ULK2: variants seen among roughly 807,000 people sequenced by gnomAD.
ULK2 encodes unc-51 like autophagy activating kinase 2.
A neutral mutation model predicts 127.5 loss-of-function variants in ULK2; 76 were observed. The observed-to-expected ratio is 0.60, with a 90% CI of 0.50 to 0.72. ULK2 has a LOEUF of 0.72. ULK2 is among the 30% of genes least tolerant of loss of function. ULK2 has a pLI of 0.00. For missense variants in ULK2, 1,144 were observed against 1,295.9 expected (o/e 0.88, Z 1.80); for synonymous variants, 452 against 461.9 (o/e 0.98, Z 0.28).
intron 24 of ULK2, 38 bp from the exon 25 acceptor site, chr17:19,780,667 C>T (rs777423955): frequency 1.7e-5 from 26 of 1,564,088 alleles, no homozygotes; most frequent in Admixed American, 1.9e-5. Context: ...TTTTAATTTT[C>T]CTCCAGAAAT....
chr17:19,802,030 G>A, intron 15 of ULK2, 108 bp from the exon 16 acceptor site: 1 of 1,230,628 alleles, frequency 8.1e-7, no homozygotes, highest in Non-Finnish European at 1.1e-6. Context: ...TCAAAAATAT[G>A]TAATACAGTC....
In ULK2 at chr17:19,783,836, C is replaced by A; in HGVS notation, c.2321G>T (p.Gly774Val). The A allele has an allele frequency of 6.3e-7, 1 of 1,598,902 alleles. No individual in the cohort carries two copies. Residue 774 changes from glycine (G) to valine (V), a missense_variant, in exon 22 of 27, where the codon GGC becomes GTC. Around this residue, in one of 2 missense-constraint regions of ULK2, gnomAD observed 913 missense variants for 970.5 expected, o/e 0.94. Transcript: ENST00000395544. ...TGGAGGGGAAGAGCCGAAGCCTGGGCCAGGCGGGGACCCCACGCACACGCG... is the reference window on the plus strand; with the variant it reads ...TGGAGGGGAAGAGCCGAAGCCTGGGACAGGCGGGGACCCCACGCACACGCG... ...SGRVCVGSPP[G>V]PGFGSSPPGA... is the part of the protein sequence containing the mutation.
rs534370368 is a variant in ULK2 at position 19,840,188 on chromosome 17, C to T, written c.704+1301G>A. On this transcript the variant is annotated intron_variant, in intron 9 of 26. Coordinates refer to ENST00000395544, the MANE Select transcript of ULK2 (RefSeq NM_014683.4). ...CTGTGCCCCCGACCCTCAACCCAGCCGAATACAACATATCTCCGGACACCC... is the reference window on the plus strand; with the variant it reads ...CTGTGCCCCCGACCCTCAACCCAGCTGAATACAACATATCTCCGGACACCC... 322 of 488,142 alleles carry T rather than the reference C, an allele frequency of 6.6e-4. 2 individuals are homozygous for T. The highest frequency in any genetic ancestry group is 1.6e-3 in the Middle Eastern group (5 of 3,038). The allele number at this position is 488,142 out of a possible 1,614,324, so 30.2% of individuals were successfully genotyped here. A position where few individuals can be genotyped will look rare whatever the true frequency, so the allele number is the denominator to read the frequency against.
At chr17:19,799,340 A>T (rs2087343738) in intron 17 of ULK2, among the ~76,000 whole-genome samples, 155 bp downstream of exon 17, 1 of 152,128 alleles carries the variant, frequency 6.6e-6, no homozygotes, top group South Asian at 2.1e-4. Flanking sequence ...TAGCTTTATG[A>T]CATATTAAAC....
intron 18 of ULK2, 119 bp from the exon 19 acceptor site, chr17:19,796,401 G>A: frequency 1.0e-6 from 1 of 958,328 alleles, no homozygotes; most frequent in Non-Finnish European, 1.4e-6. Context: ...AGGTCGGGTG[G>A]TGGGAAAAAT....
intron 20 of ULK2, 92 bp from the exon 21 acceptor site, chr17:19,786,178 G>A: frequency 1.6e-6 from 2 of 1,258,488 alleles, no homozygotes. Flanking sequence ...TTTTATATCA[G>A]GAGTCTAGTG....
At chr17:19,833,955 C>T (rs372412659) in intron 10 of ULK2, among the ~76,000 whole-genome samples, 2 of 151,980 alleles carry the variant, frequency 1.3e-5, no homozygotes, top group African/African-American at 4.8e-5. Flanking sequence ...TTTATATATC[C>T]AAAAAGATCA....
chr17:19,829,646 AC>A (rs1224184655), intron 10 of ULK2, among the ~76,000 whole-genome samples: 1 of 149,498 alleles, frequency 6.7e-6, no homozygotes, highest in Non-Finnish European at 1.5e-5. Context: ...GACCAGCCTG[AC>A]CAACATGGTG....
chr17:19,835,914 G>A (rs899203616), intron 10 of ULK2, among the ~76,000 whole-genome samples: 1 of 151,896 alleles, frequency 6.6e-6, no homozygotes, highest in Non-Finnish European at 1.5e-5. Flanking sequence ...TTGAAGCCAG[G>A]AATTCGAGAA....
Position 19,830,585 on chromosome 17 carries a change from C to T in ULK2, c.788-4399G>A, listed in dbSNP as rs2041412596. Among the ~76,000 whole-genome samples the T allele has an allele frequency of 2.1e-5, 3 of 143,972 alleles. No homozygotes were observed. In the South Asian group the frequency reaches 6.7e-4, roughly 32 times the overall value. The allele number at this position is 143,972 out of a possible 152,430, so 94.5% of individuals were successfully genotyped here. The stretch of plus-strand genomic sequence containing the variant: ...ATAAAAGTGGAAATCAAGGGCCGGG[C>T]GCAGTGGTTCATGCCTGTCCTTTGA... On this transcript the variant is annotated intron_variant, in intron 10 of 26. Coordinates refer to ENST00000395544, the MANE Select transcript of ULK2 (RefSeq NM_014683.4).
At chr17:19,862,673 T>C (rs926826936) in intron 3 of ULK2, among the ~76,000 whole-genome samples, 3 of 151,494 alleles carry the variant, frequency 2.0e-5, no homozygotes, top group East Asian at 2.0e-4. Context: ...TCCATGTTGG[T>C]TAGGCTGGTC....
At chr17:19,802,285 C>G (rs1361188015) in intron 15 of ULK2, among the ~76,000 whole-genome samples, 1 of 152,080 alleles carries the variant, frequency 6.6e-6, no homozygotes, top group Non-Finnish European at 1.5e-5. Context: ...TCCTTTTGGT[C>G]TTAGGTCCTG....
intron 3 of ULK2, among the ~76,000 whole-genome samples, chr17:19,854,826 C>A (rs748134303): frequency 4.0e-4 from 61 of 152,032 alleles, no homozygotes; most frequent in Non-Finnish European, 6.6e-4. Flanking sequence ...ACGGCGGGGG[C>A]ATGGTGGCTT....
At chr17:19,864,773 T>G in intron 3 of ULK2, 30 bp downstream of exon 3, 1 of 1,096,270 alleles carries the variant, frequency 9.1e-7, no homozygotes, top group Non-Finnish European at 1.2e-6. Flanking sequence ...AAATTTATTT[T>G]AATTTTTAAA....
At chr17:19,808,432 T>C (rs1267876530) in intron 14 of ULK2, among the ~76,000 whole-genome samples, 1 of 152,082 alleles carries the variant, frequency 6.6e-6, no homozygotes, top group Admixed American at 6.6e-5. Context: ...TACACAAATA[T>C]GACCTCCTCA....
chr17:19,841,370 T>C, intron 9 of ULK2, 119 bp downstream of exon 9: 1 of 987,430 alleles, frequency 1.0e-6, no homozygotes, highest in Non-Finnish European at 1.5e-6. Context: ...TTGTAACAAA[T>C]GCTTTCACAT....
intron 26 of ULK2, among the ~76,000 whole-genome samples, chr17:19,777,293 C>T (rs1367954500): frequency 2.6e-5 from 4 of 152,262 alleles, no homozygotes; most frequent in South Asian, 2.1e-4. Flanking sequence ...TTAATAAAGA[C>T]GGGGTTTCGC....
intron 21 of ULK2, 145 bp downstream of exon 21, chr17:19,785,792 G>A: frequency 2.0e-6 from 2 of 1,023,378 alleles, no homozygotes; most frequent in Non-Finnish European, 2.6e-6. Context: ...TTAAGATAAA[G>A]AAAATAGTAA....
At position 19,785,992 on chromosome 17, in the gene ULK2, G is replaced by A. The variant is rs1408387449; in HGVS notation, c.2196C>T (p.His732=). The A allele has an allele frequency of 4.4e-6, 7 of 1,592,228 alleles. No homozygotes were observed. In the African/African-American group the frequency reaches 9.6e-5, roughly 22 times the overall value. ...AVLFTVGSPP[H]SAAAPTCTHM... ...GGGTACAAGTGGGGGCTGCCGCACT[G>A]TGTGGAGGAGACCCTACAGTGAAGA... is the stretch of plus-strand genomic sequence containing the variant. The change falls in exon 21 of 27, where the codon CAC becomes CAT. Residue 732 remains histidine, a synonymous_variant. Coordinates refer to ENST00000395544, the MANE Select transcript of ULK2 (RefSeq NM_014683.4).
Sources: gnomAD v4.1 joint callset for allele counts (sites outside exome capture counted in the v4.1 genomes callset) on GRCh38, gnomAD v4.1.1 for gene constraint, gnomAD v4.1.1 regional missense constraint, MANE v1.5 for transcripts, NCBI Gene and HGNC (gene_info 2026-07-23, HGNC 2026-07-21) for gene names.